Variants in SLC44A5 observed in about 807,000 individuals in gnomAD.
The protein encoded by SLC44A5 is choline transporter-like protein 5.
Under a neutral mutation model 101.8 loss-of-function variants are expected in SLC44A5, and 57 were observed. The observed-to-expected ratio is 0.56, with a 90% confidence interval of 0.45 to 0.70. SLC44A5 has a LOEUF of 0.70. Among genes scored for constraint, SLC44A5 ranks in the 30% least tolerant of loss-of-function variants. SLC44A5 has a pLI of 0.00. For synonymous variants in SLC44A5, 281 were observed against 290.9 expected, an observed-to-expected ratio of 0.97 and a Z score of 0.35; for missense variants, 737 against 853.1, an observed-to-expected ratio of 0.86 and a Z score of 1.70.
At chr1:75,615,970 C>G (rs1675862076), upstream of SLC44A5, 1 of 801,980 alleles carries the variant, frequency 1.2e-6, no homozygotes, top group Non-Finnish European at 1.5e-6. Flanking sequence ...CGCCGCGGCT[C>G]TCAGCTCAGC....
intron 1 of SLC44A5, among the ~76,000 whole-genome samples, chr1:75,563,490 A>G (rs956708124): frequency 3.9e-5 from 6 of 152,050 alleles, no homozygotes; most frequent in African/African-American, 1.4e-4. Flanking sequence ...ATCCCAGTTG[A>G]GATATTATAT....
At chr1:75,222,199 G>A (rs189794385) in intron 14 of SLC44A5, among the ~76,000 whole-genome samples, 162 bp downstream of exon 14, 1,588 of 152,106 alleles carry the variant, frequency 0.01, 35 homozygotes, top group African/African-American at 0.036. Flanking sequence ...CAGGTGACCA[G>A]CCTGCCTCGG....
At chr1:75,648,211 C>T in the SLC44A5 span, among the ~76,000 whole-genome samples, 1 of 152,090 alleles carries the variant, frequency 6.6e-6, no homozygotes, top group Non-Finnish European at 1.5e-5. Flanking sequence ...CTTTGCTTGG[C>T]ACTTCTCTTT....
intron 13 of SLC44A5, among the ~76,000 whole-genome samples, chr1:75,226,214 C>A (rs182253623): frequency 8.6e-5 from 13 of 151,434 alleles, no homozygotes; most frequent in Admixed American, 8.6e-4. Context: ...AAATGAGAAG[C>A]CAAACAGTAA....
At chr1:75,574,306 T>C (rs1361635442) in intron 1 of SLC44A5, among the ~76,000 whole-genome samples, 1 of 152,198 alleles carries the variant, frequency 6.6e-6, no homozygotes, top group Non-Finnish European at 1.5e-5. Context: ...TTGATATTAT[T>C]TAGTAAATGA....
chr1:75,660,963 T>C, the SLC44A5 span, among the ~76,000 whole-genome samples: 11 of 152,090 alleles, frequency 7.2e-5, no homozygotes, highest in Non-Finnish European at 1.6e-4. Context: ...ACCAATGACA[T>C]TCTCCACAGA....
Position 75,302,562 on chromosome 1 carries a change from G to A in SLC44A5, c.102-1877C>T, listed in dbSNP as rs148374450. Reference sequence around the variant, plus strand: ...GACCCCTAGTGAATGCCTGAACTGCGGATGGCCCCAAACCCTGTATTTTGT... The same window carrying A: ...GACCCCTAGTGAATGCCTGAACTGCAGATGGCCCCAAACCCTGTATTTTGT... On this transcript the variant is annotated intron_variant, in intron 4 of 23. Transcript: ENST00000370859. Among the ~76,000 whole-genome samples, 66 of 152,206 alleles carry A rather than the reference G, an allele frequency of 4.3e-4. 1 individual carries two copies. The East Asian group carries it at 9.1e-3, about 21-fold the overall frequency.
At chr1:75,612,092 CA>C (rs1675680732), upstream of SLC44A5, among the ~76,000 whole-genome samples, 1 of 152,140 alleles carries the variant, frequency 6.6e-6, no homozygotes. Flanking sequence ...GAGATGCTAT[CA>C]ATATCTCAGC....
chr1:75,401,757 C>T (rs1662492498), intron 2 of SLC44A5, among the ~76,000 whole-genome samples: 1 of 151,962 alleles, frequency 6.6e-6, no homozygotes, highest in South Asian at 2.1e-4. Context: ...TTGAGATGGA[C>T]CTGAGGCTGC....
At chr1:75,222,241 C>T in intron 14 of SLC44A5, 120 bp downstream of exon 14, 1 of 732,544 alleles carries the variant, frequency 1.4e-6, no homozygotes, top group South Asian at 1.7e-5. Flanking sequence ...CAGGTGTGAA[C>T]CACCGCGCCC....
At chr1:75,266,400 G>T (rs1222548843) in intron 6 of SLC44A5, among the ~76,000 whole-genome samples, 1 of 151,210 alleles carries the variant, frequency 6.6e-6, no homozygotes, top group East Asian at 1.9e-4. Flanking sequence ...TACAAGCTAT[G>T]CTATGTTTAA....
the SLC44A5 span, among the ~76,000 whole-genome samples, chr1:75,716,903 A>C: frequency 2.0e-5 from 3 of 151,810 alleles, no homozygotes; most frequent in Non-Finnish European, 4.4e-5. Flanking sequence ...GCGTCGTGGC[A>C]TGTGCCTATA....
At chr1:75,678,982 C>T in the SLC44A5 span, among the ~76,000 whole-genome samples, 29 of 152,090 alleles carry the variant, frequency 1.9e-4, no homozygotes, top group East Asian at 1.2e-3. Flanking sequence ...CCTCAGGAGC[C>T]GATGCTATCA....
the SLC44A5 span, among the ~76,000 whole-genome samples, chr1:75,680,919 A>G: frequency 6.6e-6 from 1 of 150,882 alleles, no homozygotes; most frequent in Non-Finnish European, 1.5e-5. Context: ...ATAAAAAATG[A>G]TAAAGGGGAT....
At chr1:75,652,613 A>G in the SLC44A5 span, among the ~76,000 whole-genome samples, 2 of 152,154 alleles carry the variant, frequency 1.3e-5, no homozygotes, top group African/African-American at 4.8e-5. Flanking sequence ...TGGGCAGCAT[A>G]GCAAGACCCT....
the SLC44A5 span, among the ~76,000 whole-genome samples, chr1:75,720,136 C>T: frequency 6.6e-6 from 1 of 152,194 alleles, no homozygotes; most frequent in Non-Finnish European, 1.5e-5. Context: ...TTCTGAGTCA[C>T]CCTTTCCCTG....
chr1:75,641,783 G>T, the SLC44A5 span: 1 of 1,563,500 alleles, frequency 6.4e-7, no homozygotes, highest in Non-Finnish European at 8.8e-7. Flanking sequence ...AAATCCTTTA[G>T]AGTGCAAAGA....
chr1:75,506,627 G>C (rs1669273299), intron 2 of SLC44A5, among the ~76,000 whole-genome samples: 1 of 151,886 alleles, frequency 6.6e-6, no homozygotes, highest in Non-Finnish European at 1.5e-5. Flanking sequence ...TTATATTCTT[G>C]GTTTGACTCT....
Position 75,255,639 on chromosome 1 carries a change from CAGAGCTGATG to C in SLC44A5, c.261-4355_261-4346del, listed in dbSNP as rs1362365406. On this transcript the variant is annotated intron_variant, in intron 6 of 23. Transcript: ENST00000370859. ...AAAGAAATAACAGAAGAAAATTGTC[CAGAGCTGATG>C]AGAGTCATAGTTCTTCAGGATTAAA... Among the ~76,000 whole-genome samples the C allele has an allele frequency of 5.9e-5, 9 of 152,068 alleles. No individual in the cohort carries two copies. The South Asian group carries it at 1.9e-3, about 32-fold the overall frequency.
Sources: allele counts gnomAD v4.1 joint callset (sites outside exome capture counted in the v4.1 genomes callset), GRCh38; gene constraint gnomAD v4.1.1; transcripts MANE v1.5; gene names NCBI Gene and HGNC (gene_info 2026-07-23, HGNC 2026-07-21).